The following SCHIP1 variants were observed in gnomAD, a reference collection of about 807,000 sequenced individuals.
SCHIP1 encodes the protein schwannomin-interacting protein 1.
SCHIP1 carries 8 observed loss-of-function variants against 29.7 expected under a neutral mutation model. The ratio of observed to expected loss-of-function variants is 0.27; its 90% CI spans 0.16 to 0.49. The LOEUF is 0.49. Among genes scored for constraint, SCHIP1 ranks in the 20% least tolerant of loss-of-function variants. SCHIP1 has a pLI of 0.99. For missense variants in SCHIP1, 193 were observed against 294.6 expected (o/e 0.66, Z 2.52); for synonymous variants, 76 against 94.9 (o/e 0.80, Z 1.16).
the SCHIP1 span, among the ~76,000 whole-genome samples, chr3:159,503,036 A>C: frequency 0.011 from 1,693 of 152,338 alleles, 37 homozygotes; most frequent in African/African-American, 0.039. Context: ...AGACACTGGA[A>C]GTGTTCCCAT....
the SCHIP1 span, among the ~76,000 whole-genome samples, chr3:159,584,273 C>T: frequency 5.3e-5 from 8 of 152,152 alleles, no homozygotes; most frequent in Admixed American, 6.5e-5. Context: ...TGCGGAACTC[C>T]GGGTCTTTAA....
chr3:159,631,155 T>C, the SCHIP1 span, among the ~76,000 whole-genome samples: 6 of 152,010 alleles, frequency 3.9e-5, no homozygotes, highest in South Asian at 2.1e-4. Context: ...AGGATGGCTA[T>C]TACTAAAACT....
the SCHIP1 span, among the ~76,000 whole-genome samples, chr3:159,341,039 C>A: frequency 3.2e-4 from 49 of 152,130 alleles, no homozygotes; most frequent in Non-Finnish European, 5.7e-4. Context: ...CAGAGACTTT[C>A]CTGAGTTTTA....
the SCHIP1 span, among the ~76,000 whole-genome samples, chr3:159,471,675 C>T: frequency 6.6e-6 from 1 of 151,674 alleles, no homozygotes; most frequent in African/African-American, 2.4e-5. Flanking sequence ...TATTATTGTA[C>T]AATGCAATGT....
the SCHIP1 span, among the ~76,000 whole-genome samples, chr3:159,809,868 A>G: frequency 6.6e-6 from 1 of 151,876 alleles, no homozygotes; most frequent in Admixed American, 6.6e-5. Context: ...GGGGCATGCA[A>G]ATGTAGTCCC....
intron 2 of SCHIP1, among the ~76,000 whole-genome samples, chr3:159,866,708 A>G (rs1468423290): frequency 6.6e-6 from 1 of 152,102 alleles, no homozygotes; most frequent in Non-Finnish European, 1.5e-5. Flanking sequence ...TGAGAAATAC[A>G]ATTCCCGCTT....
chr3:159,452,418 G>A, the SCHIP1 span, among the ~76,000 whole-genome samples: 2 of 152,098 alleles, frequency 1.3e-5, no homozygotes, highest in African/African-American at 4.8e-5. Flanking sequence ...TTCTGTTCCT[G>A]TGTTAGTTTG....
chr3:159,591,514 A>C, the SCHIP1 span, among the ~76,000 whole-genome samples: 64 of 152,332 alleles, frequency 4.2e-4, no homozygotes, highest in African/African-American at 1.5e-3. Context: ...ACATGGAAGC[A>C]ACCCAAATGC....
the SCHIP1 span, among the ~76,000 whole-genome samples, chr3:159,702,290 A>C: frequency 3.9e-5 from 6 of 152,170 alleles, no homozygotes; most frequent in African/African-American, 1.4e-4. Context: ...ATAAAGAAGA[A>C]ATTCCCCAAA....
chr3:159,757,633 C>A, the SCHIP1 span, among the ~76,000 whole-genome samples: 1 of 152,200 alleles, frequency 6.6e-6, no homozygotes, highest in Admixed American at 6.5e-5. Context: ...TAAGTTACAG[C>A]CCATGAAATT....
chr3:159,873,864 A>G (rs1007932992), intron 2 of SCHIP1, among the ~76,000 whole-genome samples: 1 of 152,214 alleles, frequency 6.6e-6, no homozygotes, highest in Non-Finnish European at 1.5e-5. Context: ...CATATTCTTG[A>G]AGAAACATTT....
At chr3:159,769,820 T>G in the SCHIP1 span, among the ~76,000 whole-genome samples, 1 of 152,244 alleles carries the variant, frequency 6.6e-6, no homozygotes, top group African/African-American at 2.4e-5. Flanking sequence ...CTGTACATAG[T>G]TAAAATGTAC....
At chr3:159,864,561 A>T (rs950798204) in intron 1 of SCHIP1, among the ~76,000 whole-genome samples, 4 of 151,712 alleles carry the variant, frequency 2.6e-5, no homozygotes, top group African/African-American at 9.7e-5. Context: ...ACATGCTAAA[A>T]GGGGGTGCTA....
chr3:159,637,812 C>T, the SCHIP1 span, among the ~76,000 whole-genome samples: 1 of 152,122 alleles, frequency 6.6e-6, no homozygotes, highest in Non-Finnish European at 1.5e-5. Context: ...TGGGAAAATG[C>T]CAGCATTGGC....
chr3:159,428,275 A>G, the SCHIP1 span, among the ~76,000 whole-genome samples: 1 of 152,184 alleles, frequency 6.6e-6, no homozygotes. Context: ...AAAATGGGAG[A>G]AAATTTTCTC....
chr3:159,720,623 C>T, the SCHIP1 span, among the ~76,000 whole-genome samples: 1 of 151,838 alleles, frequency 6.6e-6, no homozygotes, highest in Non-Finnish European at 1.5e-5. Flanking sequence ...GTTACTCTGC[C>T]ACCCAGGCTG....
the SCHIP1 span, among the ~76,000 whole-genome samples, chr3:159,806,550 A>C: frequency 5.3e-5 from 8 of 152,240 alleles, no homozygotes; most frequent in Non-Finnish European, 7.3e-5. Flanking sequence ...CTTTGCACAA[A>C]CCCAATATTA....
chr3:159,811,304 C>A, the SCHIP1 span, among the ~76,000 whole-genome samples: 473 of 152,252 alleles, frequency 3.1e-3, 3 homozygotes, highest in African/African-American at 0.011. Context: ...TTGATGAAGT[C>A]AATTTTTTCA....
the SCHIP1 span, among the ~76,000 whole-genome samples, chr3:159,675,571 C>A: frequency 5.6e-4 from 85 of 152,276 alleles, no homozygotes; most frequent in Middle Eastern, 3.4e-3. Context: ...CTTCCAGGCC[C>A]GCATGAGCTT....
Sources: gnomAD v4.1 joint callset for allele counts (sites outside exome capture counted in the v4.1 genomes callset) on GRCh38, gnomAD v4.1.1 for gene constraint, MANE v1.5 for transcripts, NCBI Gene and HGNC (gene_info 2026-07-23, HGNC 2026-07-21) for gene names.